Variants in DAB1 observed in about 807,000 individuals in gnomAD.
The protein encoded by DAB1 is disabled homolog 1.
DAB1 carries 15 observed loss-of-function variants against 64.6 expected under a neutral mutation model. That is an observed-to-expected ratio of 0.23 (90% CI 0.16 to 0.36). The LOEUF is 0.36. DAB1 is among the 10% of genes least tolerant of loss of function. The pLI is 1.00. For missense variants in DAB1, 596 were observed against 706.7 expected (o/e 0.84, Z 1.78); for synonymous variants, 235 against 251.9 (o/e 0.93, Z 0.64).
chr1:57,859,370 T>G, intron 1 of DAB1, among the ~76,000 whole-genome samples: 1 of 152,170 alleles, frequency 6.6e-6, no homozygotes, highest in East Asian at 1.9e-4. Flanking sequence ...ATTAATTATT[T>G]TTAAATATAT....
chr1:57,604,082 G>C (rs1558532716), intron 7 of DAB1, among the ~76,000 whole-genome samples: 1 of 152,224 alleles, frequency 6.6e-6, no homozygotes, highest in African/African-American at 2.4e-5. Flanking sequence ...GCTGCTTCCT[G>C]TCACCTCAAT....
chr1:57,963,132 T>C (rs990354228), intron 5 of DAB1, among the ~76,000 whole-genome samples: 1 of 152,188 alleles, frequency 6.6e-6, no homozygotes, highest in Non-Finnish European at 1.5e-5. Context: ...GATACTGTGC[T>C]AGGTGCTGGA....
intron 5 of DAB1, among the ~76,000 whole-genome samples, chr1:57,967,986 C>T (rs1045409766): frequency 6.6e-6 from 1 of 152,126 alleles, no homozygotes; most frequent in African/African-American, 2.4e-5. Context: ...AAAAGGAAAA[C>T]ATAGCGCCGA....
intron 5 of DAB1, among the ~76,000 whole-genome samples, chr1:58,106,902 C>T (rs74076065): frequency 8.2e-5 from 12 of 146,796 alleles, no homozygotes; most frequent in African/African-American, 2.8e-4. Context: ...TCCTCTCTCC[C>T]TCCTTCCTTC....
intron 7 of DAB1, among the ~76,000 whole-genome samples, chr1:57,632,760 G>A (rs1646006258): frequency 2.0e-5 from 3 of 152,164 alleles, no homozygotes; most frequent in South Asian, 2.1e-4. Context: ...TTAGAATGGA[G>A]TAAAATAACA....
chr1:57,332,917 A>G (rs1299444100), intron 1 of DAB1, among the ~76,000 whole-genome samples: 1 of 152,052 alleles, frequency 6.6e-6, no homozygotes, highest in Non-Finnish European at 1.5e-5. Context: ...CAAACATCCC[A>G]CACCGTCTTC....
chr1:57,933,853 G>C (rs960484652), intron 5 of DAB1, among the ~76,000 whole-genome samples: 1 of 151,872 alleles, frequency 6.6e-6, no homozygotes, highest in African/African-American at 2.4e-5. Flanking sequence ...CAATGTATGA[G>C]AGTTAACAGT....
At chr1:58,347,895 G>T (rs1005760298) in intron 3 of DAB1, among the ~76,000 whole-genome samples, 1 of 152,172 alleles carries the variant, frequency 6.6e-6, no homozygotes, top group Non-Finnish European at 1.5e-5. Context: ...CTCAAACCAT[G>T]ATCTGAGCTC....
intron 2 of DAB1, among the ~76,000 whole-genome samples, chr1:57,182,460 CTGCCTG>C (rs1327370751): frequency 2.0e-5 from 3 of 152,232 alleles, no homozygotes; most frequent in Non-Finnish European, 4.4e-5. Flanking sequence ...GAGCCCACAA[CTGCCTG>C]TGCACTCTAC....
intron 6 of DAB1, among the ~76,000 whole-genome samples, chr1:57,773,533 T>C (rs761237433): frequency 6.6e-6 from 1 of 152,050 alleles, no homozygotes; most frequent in Non-Finnish European, 1.5e-5. Context: ...TTTATGTATT[T>C]TTCATGTTAT....
At chr1:57,087,253 G>T (rs943158263) in intron 4 of DAB1, among the ~76,000 whole-genome samples, 24 of 152,234 alleles carry the variant, frequency 1.6e-4, no homozygotes, top group African/African-American at 5.3e-4. Flanking sequence ...ACAGCCAGGT[G>T]CATGGGCAAC....
At chr1:58,325,382 T>C (rs927645) in intron 4 of DAB1, among the ~76,000 whole-genome samples, 4,889 of 152,298 alleles carry the variant, frequency 0.032, 276 homozygotes, top group African/African-American at 0.11. Context: ...TACTACTGCA[T>C]AACCTTGAAT....
intron 2 of DAB1, among the ~76,000 whole-genome samples, chr1:57,156,267 C>T (rs1017718592): frequency 5.3e-5 from 8 of 152,196 alleles, no homozygotes; most frequent in Admixed American, 3.9e-4. Context: ...CCAGCTGCCA[C>T]AGGCTCTCCT....
intron 2 of DAB1, among the ~76,000 whole-genome samples, chr1:57,175,736 G>T (rs547867071): frequency 6.6e-6 from 1 of 152,266 alleles, no homozygotes; most frequent in African/African-American, 2.4e-5. Flanking sequence ...GATGATTCAG[G>T]TGCTTGCTAT....
At chr1:58,302,353 C>T (rs974938385) in intron 4 of DAB1, among the ~76,000 whole-genome samples, 2 of 151,946 alleles carry the variant, frequency 1.3e-5, no homozygotes, top group Non-Finnish European at 2.9e-5. Context: ...AACTGAGGCC[C>T]TGGTTCAGGA....
chr1:57,334,304 G>C (rs1243199529), intron 1 of DAB1, among the ~76,000 whole-genome samples: 4 of 152,226 alleles, frequency 2.6e-5, no homozygotes, highest in African/African-American at 9.6e-5. Flanking sequence ...TTGGGGTCAG[G>C]CTGCCCTGGG....
chr1:57,176,119 TG>T (rs373343446), intron 2 of DAB1, among the ~76,000 whole-genome samples: 100 of 152,280 alleles, frequency 6.6e-4, no homozygotes, highest in African/African-American at 2.3e-3. Flanking sequence ...TATATTAGGA[TG>T]GGGGTATTCT....
chr1:57,982,031 C>G (rs371594809), intron 5 of DAB1, among the ~76,000 whole-genome samples: 1 of 152,158 alleles, frequency 6.6e-6, no homozygotes, highest in Non-Finnish European at 1.5e-5. Context: ...CTCTCAGTGA[C>G]AGAAACACTG....
At chr1:57,435,890 G>A (rs937649589) in intron 7 of DAB1, among the ~76,000 whole-genome samples, 3 of 148,956 alleles carry the variant, frequency 2.0e-5, no homozygotes, top group Admixed American at 6.7e-5. Flanking sequence ...ATACATAAGT[G>A]TATGTGCTAG....
Sources: allele counts gnomAD v4.1 joint callset (sites outside exome capture counted in the v4.1 genomes callset), GRCh38; gene constraint gnomAD v4.1.1; transcripts MANE v1.5; gene names NCBI Gene and HGNC (gene_info 2026-07-23, HGNC 2026-07-21).